The following NCMAP variants were observed in gnomAD, a reference collection of about 807,000 sequenced individuals.
The protein encoded by NCMAP is noncompact myelin-associated protein.
In NCMAP, 8 loss-of-function variants were observed where a neutral mutation model predicts 7.8. The ratio of observed to expected loss-of-function variants is 1.02; its 90% CI spans 0.60 to 1.84. The LOEUF (loss-of-function observed/expected upper bound fraction) is 1.84, where lower values mean the gene tolerates loss of function less well. Ranked by LOEUF, NCMAP falls within the 40% of genes most tolerant of loss-of-function variation. The probability of loss-of-function intolerance (pLI) is 0.00; values close to 1 mark genes in which losing one functional copy is unlikely to be tolerated. For missense variants in NCMAP, 112 were observed against 131.4 expected (o/e 0.85, Z 0.72); for synonymous variants, 41 against 52.9 (o/e 0.78, Z 0.98).
Position 24,587,066 on chromosome 1 carries a change from G to T in NCMAP, c.-7-8358G>T, listed in dbSNP as rs553533224. ...AGAAAACCAAGAGGTGAAGAAAGTT[G>T]GCCAAGGTCACACAGCTAGTAAATA... On this transcript the variant is annotated intron_variant, in intron 1 of 3. Transcript: ENST00000374392. Among the ~76,000 whole-genome samples the T allele has an allele frequency of 7.9e-5, 12 of 152,248 alleles. No individual in the cohort carries two copies. The East Asian group carries it at 2.3e-3, about 29-fold the overall frequency.
chr1:24,605,207 A>C (rs1298094990), intron 3 of NCMAP, among the ~76,000 whole-genome samples: 2 of 152,214 alleles, frequency 1.3e-5, no homozygotes, highest in Non-Finnish European at 2.9e-5. Context: ...TTTTCAGTAC[A>C]TTCTCTTTTC....
intron 1 of NCMAP, among the ~76,000 whole-genome samples, chr1:24,586,202 C>A (rs1177346111): frequency 6.6e-6 from 1 of 152,170 alleles, no homozygotes; most frequent in East Asian, 1.9e-4. Context: ...GTCTAGGCAA[C>A]CCCAAAGCCC....
intron 3 of NCMAP, among the ~76,000 whole-genome samples, chr1:24,603,042 A>G (rs547855895): frequency 1.8e-4 from 28 of 152,194 alleles, no homozygotes; most frequent in African/African-American, 5.3e-4. Flanking sequence ...TCCATCTCAA[A>G]AAATAAACAA....
chr1:24,604,799 T>C (rs1652663600), intron 3 of NCMAP, among the ~76,000 whole-genome samples: 1 of 149,268 alleles, frequency 6.7e-6, no homozygotes, highest in South Asian at 2.1e-4. Flanking sequence ...GCCAACATGG[T>C]GAAACCCCAT....
intron 2 of NCMAP, among the ~76,000 whole-genome samples, chr1:24,597,546 G>A (rs1336328748): frequency 8.3e-5 from 6 of 72,436 alleles, no homozygotes; most frequent in African/African-American, 3.0e-4. Context: ...GAGGGGGAGG[G>A]GGAGGAGAAG....
chr1:24,569,610 G>A (rs1651331117), intron 1 of NCMAP, among the ~76,000 whole-genome samples: 2 of 150,752 alleles, frequency 1.3e-5, no homozygotes, highest in Admixed American at 6.6e-5. Flanking sequence ...ACCTAGTTCT[G>A]CCGCTTTCAC....
At chr1:24,591,299 T>C (rs1240980400) in intron 1 of NCMAP, among the ~76,000 whole-genome samples, 3 of 152,098 alleles carry the variant, frequency 2.0e-5, no homozygotes, top group Non-Finnish European at 4.4e-5. Flanking sequence ...GGACTCTCAC[T>C]CTGTCACCCA....
intron 1 of NCMAP, among the ~76,000 whole-genome samples, chr1:24,564,623 C>A (rs12405754): frequency 0.13 from 19,758 of 147,964 alleles, 1,822 homozygotes; most frequent in African/African-American, 0.27. Context: ...AAATAATTGA[C>A]GAAATAATGG....
At chr1:24,603,232 T>TA (rs1652570454) in intron 3 of NCMAP, among the ~76,000 whole-genome samples, 1 of 151,996 alleles carries the variant, frequency 6.6e-6, no homozygotes, top group Non-Finnish European at 1.5e-5. Flanking sequence ...TAGAAACAGA[T>TA]ACAGAAAGAC....
intron 1 of NCMAP, among the ~76,000 whole-genome samples, chr1:24,568,010 C>A (rs1651279108): frequency 6.6e-6 from 1 of 152,060 alleles, no homozygotes; most frequent in Non-Finnish European, 1.5e-5. Context: ...ATCTCTCCTT[C>A]CAGGTCACAC....
rs184666972 is a variant in NCMAP, at chr1:24,605,030, C to G, written c.168-576C>G. 8.0e-3 allele frequency among the ~76,000 whole-genome samples: 1,222 copies of G among 151,820 alleles called. 10 individuals are homozygous for G. Among genetic ancestry groups the G allele is most frequent in the South Asian group, 0.012 (56 of 4,806 alleles). The stretch of plus-strand genomic sequence containing the variant: ...ACTCCGGAGGCTGAGGCAGGAGAAT[C>G]GCTTGAACCCAGGAGGCGGAGGTTG... On this transcript the variant is annotated intron_variant, in intron 3 of 3. Coordinates refer to ENST00000374392, the MANE Select transcript of NCMAP (RefSeq NM_001010980.5).
chr1:24,561,493 G>A (rs1323136582), intron 1 of NCMAP, among the ~76,000 whole-genome samples: 4 of 152,154 alleles, frequency 2.6e-5, no homozygotes, highest in Admixed American at 1.3e-4. Context: ...AGTAATCTGG[G>A]CATCATGCCA....
chr1:24,597,594 G>GAAGAAAGA (rs201917510), intron 2 of NCMAP, among the ~76,000 whole-genome samples: 1 of 92,644 alleles, frequency 1.1e-5, no homozygotes, highest in African/African-American at 4.7e-5. Flanking sequence ...AGAGAAGAAA[G>GAAGAAAGA]AAGAAAGAAA....
In NCMAP at chr1:24,576,238, TG is replaced by T. The variant is rs1364792358; in HGVS notation, c.-7-19181del. On this transcript the variant is annotated intron_variant, in intron 1 of 3. Coordinates refer to ENST00000374392, the MANE Select transcript of NCMAP (RefSeq NM_001010980.5). The surrounding 1 kb of genome is among the most constrained non-coding windows in gnomAD (Gnocchi z 4.0). Reference sequence around the variant, plus strand: ...TCCACATCCCACCTCCTGACAAAGCTGGGGGCTGGCACTGCTGCTTGAGAGG... The same window carrying T: ...TCCACATCCCACCTCCTGACAAAGCTGGGGCTGGCACTGCTGCTTGAGAGG... 6.6e-6 allele frequency among the ~76,000 whole-genome samples: 1 copy of T among 152,044 alleles called. No individual in the cohort carries two copies. The highest frequency in any genetic ancestry group is 1.5e-5 in the Non-Finnish European group (1 of 68,004).
intron 1 of NCMAP, among the ~76,000 whole-genome samples, chr1:24,587,301 G>C (rs1012745252): frequency 6.6e-6 from 1 of 152,148 alleles, no homozygotes; most frequent in Non-Finnish European, 1.5e-5. Flanking sequence ...ATCGTCAGAG[G>C]ACATACAATT....
chr1:24,605,148 T>C (rs1203025635), intron 3 of NCMAP, among the ~76,000 whole-genome samples: 1 of 151,928 alleles, frequency 6.6e-6, no homozygotes, highest in Non-Finnish European at 1.5e-5. Flanking sequence ...TTAATAATTA[T>C]TGTTCATTAT....
intron 1 of NCMAP, among the ~76,000 whole-genome samples, chr1:24,559,785 T>C (rs1171067017): frequency 6.6e-6 from 1 of 152,182 alleles, no homozygotes; most frequent in Non-Finnish European, 1.5e-5. Flanking sequence ...TTAAGCCCTG[T>C]ACTCTGCCTC....
Position 24,595,487 on chromosome 1 carries a change from C to A in NCMAP, c.57C>A (p.Thr19=). The change falls in exon 2 of 4, where the codon ACC becomes ACA. Residue 19 remains threonine (T), a synonymous_variant. Coordinates refer to ENST00000374392, the MANE Select transcript of NCMAP (RefSeq NM_001010980.5). ...DTTFFSLNMT[T]RGEDFLYKSS... is the part of the protein sequence containing the mutation. ...CCTTCTTCTCACTGAACATGACCACCAGGGGAGAAGACTTCCTGTATAAGA... is the reference window on the plus strand; with the variant it reads ...CCTTCTTCTCACTGAACATGACCACAAGGGGAGAAGACTTCCTGTATAAGA... The A allele has an allele frequency of 6.2e-7, 1 of 1,613,962 alleles. No homozygotes were observed. The highest frequency in any genetic ancestry group is 8.5e-7 in the Non-Finnish European group (1 of 1,179,862).
intron 1 of NCMAP, among the ~76,000 whole-genome samples, chr1:24,568,600 C>A (rs1026672821): frequency 4.6e-5 from 7 of 152,146 alleles, no homozygotes; most frequent in Non-Finnish European, 8.8e-5. Context: ...TATTAAACAG[C>A]AATCCCATGA....
Sources: allele counts gnomAD v4.1 joint callset (sites outside exome capture counted in the v4.1 genomes callset), GRCh38; gene constraint gnomAD v4.1.1; non-coding constraint Gnocchi (gnomAD v3.1); transcripts MANE v1.5; gene names NCBI Gene and HGNC (gene_info 2026-07-23, HGNC 2026-07-21).